Variants in LARP1B observed in about 807,000 individuals in gnomAD.
LARP1B encodes la-related protein 1B.
In LARP1B, 76 loss-of-function variants were observed where a neutral mutation model predicts 114.2. The observed-to-expected ratio is 0.67, with a 90% CI of 0.55 to 0.81. The LOEUF is 0.81. LARP1B is among the 30% of genes least tolerant of loss of function. The pLI, the probability that LARP1B is intolerant of heterozygous loss-of-function variation, is 0.00. For missense variants in LARP1B, 1,014 were observed against 1,075.8 expected (o/e 0.94, Z 0.80); for synonymous variants, 345 against 348.0 (o/e 0.99, Z 0.10).
chr4:128,099,343 A>G (rs1415112021), intron 8 of LARP1B, among the ~76,000 whole-genome samples: 1 of 144,314 alleles, frequency 6.9e-6, no homozygotes, highest in Non-Finnish European at 1.5e-5. Flanking sequence ...TATGGAGTGC[A>G]GTGGCACAAT....
chr4:128,194,915 A>G (rs1342964693), intron 15 of LARP1B, among the ~76,000 whole-genome samples: 1 of 151,866 alleles, frequency 6.6e-6, no homozygotes, highest in Non-Finnish European at 1.5e-5. Context: ...CCATCTCTTC[A>G]TGAATGTTCA....
intron 5 of LARP1B, among the ~76,000 whole-genome samples, chr4:128,084,497 C>T (rs1001488827): frequency 7.2e-5 from 11 of 152,244 alleles, no homozygotes; most frequent in Middle Eastern, 3.4e-3. Context: ...TGGTGGCGCG[C>T]GCCTGCAATC....
At chr4:128,197,800 T>C (rs1162604934) in intron 15 of LARP1B, among the ~76,000 whole-genome samples, 1 of 152,088 alleles carries the variant, frequency 6.6e-6, no homozygotes, top group Non-Finnish European at 1.5e-5. Context: ...GGTTGTTCTT[T>C]TAGTTAAACA....
chr4:128,156,026 C>G, intron 11 of LARP1B: 1 of 1,569,568 alleles, frequency 6.4e-7, no homozygotes, highest in East Asian at 2.2e-5. Flanking sequence ...CTTGAACCTG[C>G]GGCACTGCAC....
At chr4:128,170,799 G>GT (rs941214524) in intron 12 of LARP1B, among the ~76,000 whole-genome samples, 2 of 146,602 alleles carry the variant, frequency 1.4e-5, no homozygotes, top group Non-Finnish European at 3.0e-5. Context: ...TAATTGGTAT[G>GT]TTTTGACTAA....
intron 5 of LARP1B, among the ~76,000 whole-genome samples, chr4:128,087,288 T>A (rs1334760768): frequency 1.3e-5 from 2 of 152,182 alleles, no homozygotes; most frequent in Admixed American, 1.3e-4. Flanking sequence ...GTGGAAACAA[T>A]AGGATGAGCA....
rs934741161 is a variant in LARP1B at position 128,211,529 on chromosome 4, A to G, written c.*1476A>G. On this transcript the variant is annotated 3_prime_UTR_variant, in exon 20 of 20. Transcript: ENST00000326639. The stretch of plus-strand genomic sequence containing the variant: ...CATTTTGATGCTTTAAATTGCAGAA[A>G]TAGTCAAATTTGAATATTCAGAAAA... The G allele has an allele frequency of 3.3e-6, 3 of 914,742 alleles. No individual in the cohort carries two copies. The highest frequency in any genetic ancestry group is 1.0e-4 in the South Asian group (2 of 19,804). 56.7% of individuals were successfully genotyped at this position (914,742 alleles called of 1,614,324 possible).
At chr4:128,062,001 AGCCGCCACCGCCACC>A in intron 1 of LARP1B, 1 of 984,756 alleles carries the variant, frequency 1.0e-6, no homozygotes, top group Non-Finnish European at 1.2e-6. Context: ...TTCGGCGGGG[AGCCGCCACCGCCACC>A]GCCGCCGCCG....
chr4:128,136,091 G>C (rs111620888), intron 11 of LARP1B, among the ~76,000 whole-genome samples: 1,887 of 152,032 alleles, frequency 0.012, 26 homozygotes, highest in Middle Eastern at 0.027. Flanking sequence ...TCAGGAGTTC[G>C]AGACCAGCCT....
chr4:128,098,659 G>A (rs1448173189), intron 8 of LARP1B, among the ~76,000 whole-genome samples: 6 of 144,342 alleles, frequency 4.2e-5, no homozygotes, highest in South Asian at 4.4e-4. Context: ...GTGGCGGCTC[G>A]CACCTGGGTG....
chr4:128,195,740 T>C (rs1041100811), intron 15 of LARP1B, among the ~76,000 whole-genome samples: 6 of 152,188 alleles, frequency 3.9e-5, no homozygotes, highest in Non-Finnish European at 8.8e-5. Context: ...AACCTAGCTT[T>C]ATACTTTAAG....
intron 15 of LARP1B, among the ~76,000 whole-genome samples, chr4:128,197,618 C>T (rs1273276326): frequency 2.6e-5 from 4 of 151,924 alleles, no homozygotes; most frequent in African/African-American, 9.7e-5. Flanking sequence ...CGCTTGAACC[C>T]AGGAGGTGGA....
At chr4:128,172,615 C>T (rs760912081) in intron 12 of LARP1B, among the ~76,000 whole-genome samples, 1 of 151,980 alleles carries the variant, frequency 6.6e-6, no homozygotes, top group Non-Finnish European at 1.5e-5. Context: ...ATCACTTGAA[C>T]CCGGGAGGTA....
intron 4 of LARP1B, 36 bp from the exon 5 acceptor site, chr4:128,082,129 G>A (rs1288458760): frequency 6.3e-7 from 1 of 1,595,454 alleles, no homozygotes; most frequent in Non-Finnish European, 8.5e-7. Flanking sequence ...AGTGAAAATT[G>A]TACATTTGTC....
chr4:128,069,367 C>A lies in LARP1B; in HGVS notation c.-77-5093C>A, dbSNP rs1039521278. 120 of 768,254 alleles carry A rather than the reference C, an allele frequency of 1.6e-4. 1 individual carries two copies. Among genetic ancestry groups the A allele is most frequent in the Non-Finnish European group, 2.7e-4 (112 of 422,516 alleles). The allele number at this position is 768,254 out of a possible 1,614,324, so 47.6% of individuals were successfully genotyped here. ...TGAGCAAACTTTAGCTGGTTAACAC[C>A]ATGATGGACAGGCTTGCCATAAGTT... On this transcript the variant is annotated intron_variant, in intron 1 of 19. Transcript: ENST00000326639.
chr4:128,071,464 A>G (rs1406755570), intron 1 of LARP1B, among the ~76,000 whole-genome samples: 1 of 128,648 alleles, frequency 7.8e-6, no homozygotes, highest in Non-Finnish European at 1.7e-5. Flanking sequence ...CTCTGTCGCC[A>G]AGGCTGGAGG....
At chr4:128,141,186 T>A (rs1580925632) in intron 11 of LARP1B, among the ~76,000 whole-genome samples, 1 of 152,066 alleles carries the variant, frequency 6.6e-6, no homozygotes, top group Non-Finnish European at 1.5e-5. Flanking sequence ...TATAAATCTG[T>A]ACAGTATTGA....
intron 16 of LARP1B, 61 bp from the exon 17 acceptor site, chr4:128,200,460 C>T: frequency 9.6e-7 from 1 of 1,046,440 alleles, no homozygotes; most frequent in Non-Finnish European, 1.3e-6. Context: ...TATATAACAT[C>T]TGCTGTCTTG....
intron 12 of LARP1B, among the ~76,000 whole-genome samples, chr4:128,164,965 T>G (rs754887192): frequency 1.3e-5 from 2 of 150,714 alleles, no homozygotes. Flanking sequence ...TGTGTTAATC[T>G]AAAAATATAG....
Sources: gnomAD v4.1 joint callset for allele counts (sites outside exome capture counted in the v4.1 genomes callset) on GRCh38, gnomAD v4.1.1 for gene constraint, MANE v1.5 for transcripts, NCBI Gene and HGNC (gene_info 2026-07-23, HGNC 2026-07-21) for gene names.